The following CFHR5 variants were observed in gnomAD, a reference collection of about 807,000 sequenced individuals.
CFHR5 encodes the protein complement factor H-related protein 5.
A neutral mutation model predicts 62.9 loss-of-function variants in CFHR5; 73 were observed. The observed-to-expected ratio is 1.16, with a 90% CI of 0.96 to 1.41. The LOEUF is 1.41. CFHR5 is among the 40% of genes most tolerant of loss of function. CFHR5 has a pLI of 0.00. For missense variants in CFHR5, 779 were observed against 679.9 expected (o/e 1.15, Z -1.62); for synonymous variants, 249 against 227.2 (o/e 1.10, Z -0.86).
intron 1 of CFHR5, 133 bp downstream of exon 1, chr1:196,977,855 T>G (rs970717680): frequency 1.3e-6 from 1 of 745,616 alleles, no homozygotes; most frequent in African/African-American, 1.7e-5. Flanking sequence ...ACAATATTCA[T>G]CTATTTTCTG....
chr1:197,008,709 T>C lies in CFHR5; in HGVS notation c.*26T>C. 1.3e-6 allele frequency: 2 copies of C among 1,565,982 alleles called. No individual in the cohort carries two copies. Among genetic ancestry groups the C allele is most frequent in the South Asian group, 1.1e-5 (1 of 90,018 alleles). ...AGCAAGCATAATTTTCCTGAATATA[T>C]TCTTCAAACATCCATCTATGCTAAA... is the stretch of plus-strand genomic sequence containing the variant. On this transcript the variant is annotated 3_prime_UTR_variant, in exon 10 of 10. Coordinates refer to ENST00000256785, the MANE Select transcript of CFHR5 (RefSeq NM_030787.4).
chr1:196,977,102 C>A (rs892271701), upstream of CFHR5, among the ~76,000 whole-genome samples: 1 of 151,774 alleles, frequency 6.6e-6, no homozygotes, highest in Non-Finnish European at 1.5e-5. Context: ...CCATTGCGCC[C>A]GGCCAGCAAA....
upstream of CFHR5, among the ~76,000 whole-genome samples, chr1:196,975,469 C>A (rs537122126): frequency 6.6e-6 from 1 of 152,198 alleles, no homozygotes; most frequent in South Asian, 2.1e-4. Flanking sequence ...ATTGAAAGAG[C>A]AAAATCCTTG....
At chr1:196,992,299 T>A (rs1423566167) in intron 3 of CFHR5, among the ~76,000 whole-genome samples, 1 of 152,066 alleles carries the variant, frequency 6.6e-6, no homozygotes, top group Non-Finnish European at 1.5e-5. Flanking sequence ...ATTTTCCAGG[T>A]ACAGTCTGTC....
intron 8 of CFHR5, among the ~76,000 whole-genome samples, chr1:197,004,398 G>C (rs1207694646): frequency 6.6e-6 from 1 of 152,032 alleles, no homozygotes; most frequent in Non-Finnish European, 1.5e-5. Flanking sequence ...GAATATTAAG[G>C]GGTGGAGGAG....
Position 197,008,983 on chromosome 1 carries a change from G to C in CFHR5, c.*300G>C. On this transcript the variant is annotated 3_prime_UTR_variant, in exon 10 of 10. Transcript: ENST00000256785. ...TCTAAAAGCTGAGAAGTCCAAGATG[G>C]TGGGGCTGCCTCTGGTGAGGGTCTT... 1 of 280,834 alleles carries C rather than the reference G, an allele frequency of 3.6e-6. No homozygotes were observed. The highest frequency in any genetic ancestry group is 4.3e-5 in the South Asian group (1 of 23,410). The allele number at this position is 280,834 out of a possible 1,614,324, so 17.4% of individuals were successfully genotyped here.
At chr1:197,000,684 C>G (rs1654130439) in intron 7 of CFHR5, among the ~76,000 whole-genome samples, 1 of 152,082 alleles carries the variant, frequency 6.6e-6, no homozygotes, top group African/African-American at 2.4e-5. Context: ...ACTGCTGAGT[C>G]CCTAGATTGG....
Position 196,977,628 on chromosome 1 carries a change from G to T in CFHR5, c.-37G>T. 1.3e-6 allele frequency: 2 copies of T among 1,507,564 alleles called. No homozygotes were observed. The highest frequency in any genetic ancestry group is 2.3e-5 in the South Asian group (2 of 88,716). The allele number at this position is 1,507,564 out of a possible 1,614,324, so 93.4% of individuals were successfully genotyped here. A position where few individuals can be genotyped will look rare whatever the true frequency, so the allele number is the denominator to read the frequency against. On this transcript the variant is annotated 5_prime_UTR_variant, in exon 1 of 10. An upstream open reading frame in the 5' UTR gains an earlier in-frame stop. Coordinates refer to ENST00000256785, the MANE Select transcript of CFHR5 (RefSeq NM_030787.4). ...ATTTAAAGCAACACCACCATCACTG[G>T]AGTATTTTTAGTTATATACGATTGA...
At chr1:197,006,680 C>A (rs1214206926) in intron 9 of CFHR5, among the ~76,000 whole-genome samples, 1 of 149,330 alleles carries the variant, frequency 6.7e-6, no homozygotes, top group Non-Finnish European at 1.5e-5. Context: ...CCATTGCACT[C>A]CAGCCTGGGC....
intron 2 of CFHR5, 71 bp downstream of exon 2, chr1:196,983,150 T>G: frequency 6.2e-7 from 1 of 1,600,246 alleles, no homozygotes; most frequent in Non-Finnish European, 8.6e-7. Flanking sequence ...GACAAGATCA[T>G]AAGGTCTTGA....
Position 196,996,111 on chromosome 1 carries a change from G to T in CFHR5, c.880G>T (p.Glu294Ter), listed in dbSNP as rs201084185. 3 of 1,613,350 alleles carry T rather than the reference G, an allele frequency of 1.9e-6. No homozygotes were observed. The highest frequency in any genetic ancestry group is 4.5e-5 in the East Asian group (2 of 44,844). Residue 294 changes from glutamate (E) to a stop codon, truncating the protein, a stop_gained, in exon 6 of 10, where the codon GAG (glutamate) becomes TAG (stop). Transcript: ENST00000256785. LOFTEE classifies it high-confidence loss of function. ...VPPYQHGVSV[E>*]VNCRNEYAMI... ...TCCCTATCAACATGGAGTTTCAGTC[G>T]AGGTGAATTGCAGAAATGAATATGC...
intron 9 of CFHR5, among the ~76,000 whole-genome samples, chr1:197,006,689 G>A (rs1319387520): frequency 6.8e-6 from 1 of 146,858 alleles, no homozygotes; most frequent in Non-Finnish European, 1.5e-5. Flanking sequence ...TCCAGCCTGG[G>A]CAACAAGAGT....
At chr1:197,004,569 C>T in intron 8 of CFHR5, 92 bp from the exon 9 acceptor site, 1 of 1,000,610 alleles carries the variant, frequency 1.0e-6, no homozygotes, top group Non-Finnish European at 1.6e-6. Context: ...AATTTCCAGA[C>T]ACCTTATATT....
At chr1:196,991,831 C>G (rs903140360) in intron 3 of CFHR5, among the ~76,000 whole-genome samples, 2 of 152,184 alleles carry the variant, frequency 1.3e-5, no homozygotes, top group African/African-American at 4.8e-5. Context: ...CCCAGTTAGG[C>G]TACACGTGGG....
At chr1:196,977,494 A>G, upstream of CFHR5, 1 of 696,380 alleles carries the variant, frequency 1.4e-6, no homozygotes, top group Non-Finnish European at 2.7e-6. Context: ...TGCTTATTTC[A>G]CACAACCCTC....
Position 196,994,231 on chromosome 1 carries a change from G to C in CFHR5, c.582G>C (p.Trp194Cys). Residue 194 changes from tryptophan (W) to cysteine (C), a missense_variant, in exon 4 of 10, where the codon TGG (tryptophan) becomes TGC (cysteine). Trp to Cys is a radical substitution (Grantham distance 215). Coordinates refer to ENST00000256785, the MANE Select transcript of CFHR5 (RefSeq NM_030787.4). ...SDSVQCYQFG[W>C]SPNFPTCKGQ... ...CAGTTCAATGTTACCAATTTGGGTG[G>C]TCACCTAACTTTCCAACATGCAAAG... is the stretch of plus-strand genomic sequence containing the variant. The C allele has an allele frequency of 6.2e-7, 1 of 1,613,470 alleles. No homozygotes were observed. The highest frequency in any genetic ancestry group is 8.5e-7 in the Non-Finnish European group (1 of 1,179,666).
intron 8 of CFHR5, 136 bp downstream of exon 8, chr1:197,002,800 A>G (rs1654188841): frequency 1.4e-6 from 1 of 701,950 alleles, no homozygotes; most frequent in African/African-American, 1.8e-5. Context: ...TAAGTAACCA[A>G]TTCTGTCATT....
At chr1:196,981,778 A>C (rs895853377) in intron 1 of CFHR5, among the ~76,000 whole-genome samples, 4 of 152,010 alleles carry the variant, frequency 2.6e-5, no homozygotes, top group African/African-American at 7.2e-5. Flanking sequence ...ACATCCTCTC[A>C]TATAATTTAA....
At position 197,002,680 on chromosome 1, in the gene CFHR5, C is replaced by G. The variant is rs1322753297; in HGVS notation, c.1330+16C>G. ...CGCTGTGTTGGTTAGTAGTTTATTT[C>G]TAAGTAATTTCACTTAAAAAGAGGT... On this transcript the variant is annotated intron_variant, in intron 8 of 9. Coordinates refer to ENST00000256785, the MANE Select transcript of CFHR5 (RefSeq NM_030787.4). 8.8e-6 allele frequency: 14 copies of G among 1,597,492 alleles called. No individual in the cohort carries two copies. Among genetic ancestry groups the G allele is most frequent in the Non-Finnish European group, 1.2e-5 (14 of 1,165,628 alleles).
Sources: allele counts gnomAD v4.1 joint callset (sites outside exome capture counted in the v4.1 genomes callset), GRCh38; gene constraint gnomAD v4.1.1; transcripts MANE v1.5; gene names NCBI Gene and HGNC (gene_info 2026-07-23, HGNC 2026-07-21).